The following CPS1 variants were observed in gnomAD, a reference collection of about 807,000 sequenced individuals.
CPS1 encodes carbamoyl-phosphate synthase 1, also known as carbamoyl-phosphate synthase [ammonia], mitochondrial.
In CPS1, 109 loss-of-function variants were observed where a neutral mutation model predicts 174.6. The observed-to-expected ratio is 0.62, with a 90% CI of 0.53 to 0.73. CPS1 has a LOEUF of 0.73. Ranked by LOEUF, CPS1 falls within the 30% of genes least tolerant of loss-of-function variation. The pLI, the probability that CPS1 is intolerant of heterozygous loss-of-function variation, is 0.00. For synonymous variants in CPS1, 637 were observed against 632.0 expected, an observed-to-expected ratio of 1.01 and a Z score of -0.12; for missense variants, 1,689 against 1,821.9, an observed-to-expected ratio of 0.93 and a Z score of 1.33.
intron 1 of CPS1, among the ~76,000 whole-genome samples, chr2:210,561,136 C>T (rs985026742): frequency 6.6e-5 from 10 of 152,194 alleles, no homozygotes; most frequent in African/African-American, 2.4e-4. Context: ...CCAACAACGC[C>T]TTGACATTAT....
At chr2:210,520,654 A>C (rs998670873) in intron 1 of CPS1, among the ~76,000 whole-genome samples, 8 of 152,004 alleles carry the variant, frequency 5.3e-5, no homozygotes, top group African/African-American at 1.9e-4. Flanking sequence ...GTCACTATAC[A>C]TTAGTTTGAA....
intron 1 of CPS1, among the ~76,000 whole-genome samples, chr2:210,501,736 T>C (rs1366134067): frequency 6.6e-6 from 1 of 152,208 alleles, no homozygotes; most frequent in Non-Finnish European, 1.5e-5. Flanking sequence ...GACAAGTCTC[T>C]AGGAAGTTCC....
chr2:210,656,283 A>G (rs1410448874), intron 29 of CPS1, among the ~76,000 whole-genome samples: 1 of 152,188 alleles, frequency 6.6e-6, no homozygotes, highest in African/African-American at 2.4e-5. Context: ...CCTATTACTT[A>G]TACCCATGCT....
chr2:210,627,337 C>T (rs1300356657), intron 21 of CPS1, among the ~76,000 whole-genome samples: 1 of 152,120 alleles, frequency 6.6e-6, no homozygotes, highest in Non-Finnish European at 1.5e-5. Flanking sequence ...TATATTTATA[C>T]ACAATATATG....
At chr2:210,528,798 C>A (rs1348850870) in intron 1 of CPS1, among the ~76,000 whole-genome samples, 1 of 144,838 alleles carries the variant, frequency 6.9e-6, no homozygotes, top group Non-Finnish European at 1.5e-5. Flanking sequence ...ACAGTTAGTA[C>A]TAGGAATCAA....
At chr2:210,629,557 C>T (rs1234851853) in intron 21 of CPS1, among the ~76,000 whole-genome samples, 3 of 151,284 alleles carry the variant, frequency 2.0e-5, no homozygotes, top group Non-Finnish European at 3.0e-5. Context: ...CCTCGTGATC[C>T]GCCCGCCTCG....
Position 210,607,674 on chromosome 2 carries a change from C to T in CPS1, c.2193-687C>T, listed in dbSNP as rs546533508. On this transcript the variant is annotated intron_variant, in intron 18 of 37. Transcript: ENST00000233072. ...ATTCTCACTTGGTTCTTCTGTTGAC[C>T]GTGTGATTTTGAGCACATCACTCAT... Among the ~76,000 whole-genome samples the T allele has an allele frequency of 1.4e-4, 22 of 151,932 alleles. 1 individual carries two copies. In the South Asian group the frequency reaches 4.4e-3, roughly 30 times the overall value.
chr2:210,665,614 C>A (rs1334345870), intron 33 of CPS1, among the ~76,000 whole-genome samples: 1 of 151,790 alleles, frequency 6.6e-6, no homozygotes, highest in Middle Eastern at 3.4e-3. Flanking sequence ...CTGAGAATGA[C>A]GATTTCCAAT....
At chr2:210,532,010 T>C (rs548644035) in intron 1 of CPS1, among the ~76,000 whole-genome samples, 6 of 152,288 alleles carry the variant, frequency 3.9e-5, no homozygotes, top group South Asian at 2.1e-4. Flanking sequence ...CTTCCAAGGA[T>C]GTGGAGTACT....
chr2:210,638,217 C>T (rs1164344752), intron 22 of CPS1, among the ~76,000 whole-genome samples: 3 of 152,154 alleles, frequency 2.0e-5, no homozygotes, highest in African/African-American at 7.2e-5. Context: ...GTGGCTGACC[C>T]TCTTGAAAAT....
upstream of CPS1, among the ~76,000 whole-genome samples, chr2:210,553,699 T>A (rs116689085): frequency 0.019 from 2,896 of 152,106 alleles, 49 homozygotes; most frequent in African/African-American, 0.046. Context: ...GCTTATTTTT[T>A]AAAATGTTTT....
intron 32 of CPS1, 36 bp downstream of exon 32, chr2:210,660,691 G>A (rs1220677986): frequency 2.5e-6 from 4 of 1,578,112 alleles, no homozygotes; most frequent in Admixed American, 3.3e-5. Context: ...CATTTTATGA[G>A]TTCTAGTGAA....
chr2:210,478,085 A>G (rs1279251770), intron 1 of CPS1, among the ~76,000 whole-genome samples: 2 of 152,202 alleles, frequency 1.3e-5, no homozygotes, highest in Non-Finnish European at 2.9e-5. Context: ...AATCTGTGTG[A>G]GTATCCCTGA....
At chr2:210,489,272 T>C (rs1320980672) in intron 1 of CPS1, among the ~76,000 whole-genome samples, 1 of 152,220 alleles carries the variant, frequency 6.6e-6, no homozygotes, top group Non-Finnish European at 1.5e-5. Context: ...GGATACTCTT[T>C]GTACCTAGGG....
intron 1 of CPS1, among the ~76,000 whole-genome samples, chr2:210,571,508 ATATCC>A (rs1210385606): frequency 1.3e-5 from 2 of 151,984 alleles, no homozygotes; most frequent in Non-Finnish European, 2.9e-5. Context: ...CATCTTAAAC[ATATCC>A]TATCAATTTT....
At chr2:210,492,078 A>G (rs1239227975) in intron 1 of CPS1, among the ~76,000 whole-genome samples, 3 of 152,246 alleles carry the variant, frequency 2.0e-5, no homozygotes, top group Admixed American at 2.0e-4. Flanking sequence ...TGGCCTACCA[A>G]TATATGAATA....
chr2:210,558,977 A>G (rs1233210819), intron 1 of CPS1, among the ~76,000 whole-genome samples: 2 of 152,102 alleles, frequency 1.3e-5, no homozygotes, highest in Non-Finnish European at 2.9e-5. Context: ...AAAAAATAGA[A>G]GTTCTTGAAC....
chr2:210,598,318 T>C (rs1427494572), intron 13 of CPS1, among the ~76,000 whole-genome samples: 1 of 151,672 alleles, frequency 6.6e-6, no homozygotes, highest in Non-Finnish European at 1.5e-5. Flanking sequence ...ACCAACATAA[T>C]AACCAGCTAA....
In CPS1 at chr2:210,594,545, G is replaced by A; in HGVS notation, c.1202G>A (p.Gly401Glu). 6.2e-7 allele frequency: 1 copy of A among 1,611,156 alleles called. No individual in the cohort carries two copies. Among genetic ancestry groups the A allele is most frequent in the Non-Finnish European group, 8.5e-7 (1 of 1,178,246 alleles). The change falls in exon 12 of 38, where the codon GGA becomes GAA. Residue 401 changes from glycine to glutamate, a missense_variant. By Grantham distance (98) the Gly-to-Glu change is moderately conservative. Coordinates refer to ENST00000233072, the MANE Select transcript of CPS1 (RefSeq NM_001875.5). ...FDSFFSLIKKGKATTITSVLP... is the reference protein window; with the variant it reads ...FDSFFSLIKKEKATTITSVLP... ...TCCTTTTTCTCACTGATAAAGAAAGGAAAAGCTACCACCATTACATCAGTC... is the reference window on the plus strand; with the variant it reads ...TCCTTTTTCTCACTGATAAAGAAAGAAAAAGCTACCACCATTACATCAGTC...
Sources: allele counts gnomAD v4.1 joint callset (sites outside exome capture counted in the v4.1 genomes callset), GRCh38; gene constraint gnomAD v4.1.1; transcripts MANE v1.5; gene names NCBI Gene and HGNC (gene_info 2026-07-23, HGNC 2026-07-21).